Variants in COL26A1 observed in about 807,000 individuals in gnomAD.
COL26A1 encodes the protein collagen alpha-1(XXVI) chain.
In COL26A1, 41 loss-of-function variants were observed where a neutral mutation model predicts 59.3. The observed-to-expected ratio is 0.69, with a 90% CI of 0.54 to 0.90. The LOEUF (loss-of-function observed/expected upper bound fraction) is 0.90, where lower values mean the gene tolerates loss of function less well. COL26A1 is among the 40% of genes least tolerant of loss of function. The pLI, the probability that COL26A1 is intolerant of heterozygous loss-of-function variation, is 0.00. For missense variants in COL26A1, 612 were observed against 602.3 expected (o/e 1.02, Z -0.17); for synonymous variants, 266 against 256.0 (o/e 1.04, Z -0.37).
At chr7:101,363,645 G>T (rs906729867) in intron 1 of COL26A1, among the ~76,000 whole-genome samples, 6 of 151,716 alleles carry the variant, frequency 4.0e-5, no homozygotes, top group African/African-American at 1.5e-4. Flanking sequence ...GGGGCTGAAG[G>T]TTCGGGTCCG....
intron 4 of COL26A1, among the ~76,000 whole-genome samples, chr7:101,537,539 C>T (rs928838510): frequency 6.6e-6 from 1 of 152,216 alleles, no homozygotes; most frequent in Non-Finnish European, 1.5e-5. Context: ...AGGTCAGACA[C>T]AGCCAGGCCA....
At chr7:101,363,452 A>G (rs1199708451) in intron 1 of COL26A1, among the ~76,000 whole-genome samples, 1 of 118,150 alleles carries the variant, frequency 8.5e-6, no homozygotes, top group East Asian at 3.1e-4. Context: ...GGCAACTGGG[A>G]CGAAATGGCG....
At chr7:101,437,064 C>G (rs1792933745) in intron 2 of COL26A1, among the ~76,000 whole-genome samples, 1 of 152,222 alleles carries the variant, frequency 6.6e-6, no homozygotes, top group African/African-American at 2.4e-5. Flanking sequence ...TTCCACCAGT[C>G]TTCACTGGGT....
At chr7:101,443,209 G>C (rs1793104589) in intron 2 of COL26A1, among the ~76,000 whole-genome samples, 1 of 152,114 alleles carries the variant, frequency 6.6e-6, no homozygotes. Flanking sequence ...TTGCCCAGTT[G>C]CTCCCAAAAG....
chr7:101,451,072 CATATA>C (rs1229202442), intron 3 of COL26A1, among the ~76,000 whole-genome samples: 6 of 139,224 alleles, frequency 4.3e-5, no homozygotes, highest in South Asian at 2.3e-4. Flanking sequence ...ATTCCAGTAA[CATATA>C]ATATATATTA....
intron 3 of COL26A1, among the ~76,000 whole-genome samples, chr7:101,461,125 C>A (rs13243766): frequency 0.44 from 66,725 of 151,850 alleles, 15,445 homozygotes; most frequent in Middle Eastern, 0.54. Context: ...ACAGGTGCAC[C>A]ACACCACGCC....
At chr7:101,473,562 G>C (rs923155430) in intron 3 of COL26A1, among the ~76,000 whole-genome samples, 4 of 150,342 alleles carry the variant, frequency 2.7e-5, no homozygotes, top group African/African-American at 9.8e-5. Context: ...ATTGCTTGAG[G>C]CCAGGAGTTC....
At chr7:101,439,205 G>T (rs545316917) in intron 2 of COL26A1, among the ~76,000 whole-genome samples, 82 of 152,070 alleles carry the variant, frequency 5.4e-4, no homozygotes, top group Non-Finnish European at 9.3e-4. Flanking sequence ...GGTGCCAACA[G>T]ACCCAGGAGA....
intron 3 of COL26A1, among the ~76,000 whole-genome samples, chr7:101,476,616 C>T (rs1255594234): frequency 2.0e-5 from 3 of 150,856 alleles, no homozygotes; most frequent in South Asian, 2.1e-4. Context: ...GGCATGATCT[C>T]GGCTCACTGC....
At chr7:101,413,643 T>C (rs1355513309) in intron 1 of COL26A1, among the ~76,000 whole-genome samples, 1 of 152,122 alleles carries the variant, frequency 6.6e-6, no homozygotes, top group African/African-American at 2.4e-5. Flanking sequence ...GAGTTTACTG[T>C]CTTGGACCCT....
chr7:101,368,909 G>GTGAGTTTT (rs1249237632), intron 1 of COL26A1, among the ~76,000 whole-genome samples: 31 of 151,200 alleles, frequency 2.1e-4, no homozygotes, highest in Non-Finnish European at 4.0e-4. Context: ...TCAAAATCTG[G>GTGAGTTTT]CTCTTTCCAA....
At chr7:101,488,357 T>A (rs1359839888) in intron 3 of COL26A1, among the ~76,000 whole-genome samples, 1 of 111,666 alleles carries the variant, frequency 9.0e-6, no homozygotes, top group African/African-American at 3.7e-5. Context: ...TTAATATATA[T>A]ATATATATAT....
intron 2 of COL26A1, among the ~76,000 whole-genome samples, chr7:101,440,475 A>G (rs1793029950): frequency 1.3e-5 from 2 of 152,104 alleles, no homozygotes; most frequent in Non-Finnish European, 1.5e-5. Flanking sequence ...TTTTTTTCCA[A>G]GACTGGGGAA....
At chr7:101,431,964 T>C (rs550634185) in intron 2 of COL26A1, among the ~76,000 whole-genome samples, 24 of 105,556 alleles carry the variant, frequency 2.3e-4, no homozygotes, top group African/African-American at 1.0e-3. Flanking sequence ...GCTAATTTTA[T>C]AATTTTTTTT....
chr7:101,509,790 C>T (rs551001941), intron 3 of COL26A1, among the ~76,000 whole-genome samples: 10 of 152,030 alleles, frequency 6.6e-5, no homozygotes, highest in South Asian at 6.2e-4. Flanking sequence ...TGCAGTGGTG[C>T]GAGCTTGGAT....
chr7:101,557,000 GAT>G (rs1562805558), intron 12 of COL26A1, among the ~76,000 whole-genome samples: 2 of 39,746 alleles, frequency 5.0e-5, no homozygotes, highest in Admixed American at 4.7e-4. Flanking sequence ...TGGGTGGATG[GAT>G]GGATGGATGG....
At chr7:101,379,159 G>A (rs563743943) in intron 1 of COL26A1, among the ~76,000 whole-genome samples, 48 of 152,128 alleles carry the variant, frequency 3.2e-4, no homozygotes, top group Non-Finnish European at 5.0e-4. Flanking sequence ...TGGCCACACG[G>A]CTGATGCTTG....
intron 12 of COL26A1, among the ~76,000 whole-genome samples, chr7:101,556,396 T>C (rs1369435304): frequency 6.6e-6 from 1 of 152,170 alleles, no homozygotes; most frequent in Non-Finnish European, 1.5e-5. Flanking sequence ...GATGAATGAA[T>C]AGGTGAATGG....
intron 1 of COL26A1, among the ~76,000 whole-genome samples, chr7:101,387,778 A>ATATATATT (rs773025730): frequency 1.1e-4 from 9 of 84,830 alleles, no homozygotes; most frequent in Admixed American, 6.1e-4. Context: ...ATATATATAT[A>ATATATATT]TTTTTTTTTA....
Sources: gnomAD v4.1 joint callset for allele counts (sites outside exome capture counted in the v4.1 genomes callset) on GRCh38, gnomAD v4.1.1 for gene constraint, MANE v1.5 for transcripts, NCBI Gene and HGNC (gene_info 2026-07-23, HGNC 2026-07-21) for gene names.